The following AGO1 variants were observed in gnomAD, a reference collection of about 807,000 sequenced individuals.
AGO1 encodes protein argonaute-1.
In AGO1, 11 loss-of-function variants were observed where a neutral mutation model predicts 109.2. The observed-to-expected ratio is 0.10, with a 90% CI of 0.06 to 0.17. AGO1 has a LOEUF of 0.17. Among genes scored for constraint, AGO1 ranks in the 10% least tolerant of loss-of-function variants. The pLI is 1.00. For synonymous variants in AGO1, 422 were observed against 418.6 expected (o/e 1.01, Z -0.10); for missense variants, 574 against 1,140.3 (o/e 0.50, Z 7.15).
rs1406627252 is a variant in AGO1, at chr1:35,893,538, ACAACTAGTAAAG to A, written c.513-133_513-122del. 1.0e-6 allele frequency: 1 copy of A among 977,040 alleles called. No individual in the cohort carries two copies. Among genetic ancestry groups the A allele is most frequent in the Non-Finnish European group, 1.5e-6 (1 of 678,986 alleles). The allele number at this position is 977,040 out of a possible 1,614,324, so 60.5% of individuals were successfully genotyped here. ...TAGAAACTTGTACAAGGTCAGTCAT[ACAACTAGTAAAG>A]CATCAGAGCTGGCATTAAAGCCCCG... On this transcript the variant is annotated intron_variant, in intron 4 of 18. Transcript: ENST00000373204. The surrounding 1 kb of genome is among the most constrained non-coding windows in gnomAD (Gnocchi z 5.6).
At chr1:35,877,994 T>C (rs1474873018) in intron 1 of AGO1, among the ~76,000 whole-genome samples, 1 of 151,962 alleles carries the variant, frequency 6.6e-6, no homozygotes, top group Non-Finnish European at 1.5e-5. Context: ...CCCGGCCCAA[T>C]ATTAGTAATT....
Position 35,918,910 on chromosome 1 carries a change from G to A in AGO1, c.2266-145G>A, listed in dbSNP as rs563581737. The A allele has an allele frequency of 4.0e-6, 3 of 745,448 alleles. No individual in the cohort carries two copies. In the East Asian group the frequency reaches 8.1e-5, roughly 20 times the overall value. 46.2% of individuals were successfully genotyped at this position (745,448 alleles called of 1,614,324 possible). On this transcript the variant is annotated intron_variant, in intron 17 of 18. Coordinates refer to ENST00000373204, the MANE Select transcript of AGO1 (RefSeq NM_012199.5). ...CACTTGCAGGTTGCTTATAAGAAGAGTGCTTTATGACATTGGTAGTTTTGC... is the reference window on the plus strand; with the variant it reads ...CACTTGCAGGTTGCTTATAAGAAGAATGCTTTATGACATTGGTAGTTTTGC...
At chr1:35,872,637 A>T (rs934740387) in intron 1 of AGO1, among the ~76,000 whole-genome samples, 3 of 151,810 alleles carry the variant, frequency 2.0e-5, no homozygotes, top group Admixed American at 2.0e-4. Context: ...CAGTAACATG[A>T]TCATAGCTCA....
At position 35,893,551 on chromosome 1, in the gene AGO1, C is replaced by A; in HGVS notation, c.513-123C>A. The stretch of plus-strand genomic sequence containing the variant: ...AAGGTCAGTCATACAACTAGTAAAG[C>A]ATCAGAGCTGGCATTAAAGCCCCGG... On this transcript the variant is annotated intron_variant, in intron 4 of 18. Coordinates refer to ENST00000373204, the MANE Select transcript of AGO1 (RefSeq NM_012199.5). The surrounding 1 kb of genome is among the most constrained non-coding windows in gnomAD (Gnocchi z 5.6). The A allele has an allele frequency of 9.6e-7, 1 of 1,046,694 alleles. No individual in the cohort carries two copies. Among genetic ancestry groups the A allele is most frequent in the Non-Finnish European group, 1.4e-6 (1 of 740,112 alleles). The allele number at this position is 1,046,694 out of a possible 1,614,324, so 64.8% of individuals were successfully genotyped here.
At chr1:35,905,205 A>AT (rs1645497319) in intron 11 of AGO1, among the ~76,000 whole-genome samples, 1 of 152,172 alleles carries the variant, frequency 6.6e-6, no homozygotes, top group Non-Finnish European at 1.5e-5. Context: ...CTGGTAACAT[A>AT]CTGGCTTTTT....
intron 12 of AGO1, among the ~76,000 whole-genome samples, chr1:35,908,882 G>A (rs987435564): frequency 6.8e-6 from 1 of 147,226 alleles, no homozygotes; most frequent in African/African-American, 2.5e-5. Flanking sequence ...GCAGTGGCGT[G>A]ATCTCAGCTC....
chr1:35,905,790 G>A (rs1381490713), intron 11 of AGO1, among the ~76,000 whole-genome samples: 1 of 152,026 alleles, frequency 6.6e-6, no homozygotes, highest in African/African-American at 2.4e-5. Context: ...CTTCTGATGA[G>A]GCCACTGTTA....
rs1052039194 is a variant in AGO1 at position 35,914,285 on chromosome 1, T to C, written c.1833+11T>C. 2 of 1,608,398 alleles carry C rather than the reference T, an allele frequency of 1.2e-6. No homozygotes were observed. The highest frequency in any genetic ancestry group is 1.3e-5 in the African/African-American group (1 of 74,852). On this transcript the variant is annotated intron_variant, in intron 14 of 18. Coordinates refer to ENST00000373204, the MANE Select transcript of AGO1 (RefSeq NM_012199.5). ...CCTTCTATCACAGCAGTGAGTGATATTCTGTAGCTGCCTCATAAGGTTCTC... is the reference window on the plus strand; with the variant it reads ...CCTTCTATCACAGCAGTGAGTGATACTCTGTAGCTGCCTCATAAGGTTCTC...
intron 13 of AGO1, 56 bp from the exon 14 acceptor site, chr1:35,914,128 G>C (rs1328815570): frequency 6.2e-7 from 1 of 1,600,260 alleles, no homozygotes; most frequent in East Asian, 2.2e-5. Context: ...GTACTGGATG[G>C]TGCCAGCTAG....
At chr1:35,900,916 AAAT>A (rs1645403311) in intron 8 of AGO1, among the ~76,000 whole-genome samples, 1 of 151,836 alleles carries the variant, frequency 6.6e-6, no homozygotes, top group East Asian at 1.9e-4. Flanking sequence ...TCAAAAAAAT[AAAT>A]AAATAAATAA....
intron 16 of AGO1, 38 bp from the exon 17 acceptor site, chr1:35,918,284 C>A (rs199967132): frequency 2.7e-5 from 42 of 1,532,820 alleles, no homozygotes; most frequent in Non-Finnish European, 3.5e-5. Context: ...TAGGGCCAGG[C>A]AGGTCTTGGG....
intron 16 of AGO1, 37 bp from the exon 17 acceptor site, chr1:35,918,285 A>G (rs1196882349): frequency 6.5e-7 from 1 of 1,535,610 alleles, no homozygotes; most frequent in African/African-American, 1.4e-5. Context: ...AGGGCCAGGC[A>G]GGTCTTGGGA....
At chr1:35,914,119 T>C in intron 13 of AGO1, 65 bp from the exon 14 acceptor site, 1 of 1,593,044 alleles carries the variant, frequency 6.3e-7, no homozygotes, top group Non-Finnish European at 8.6e-7. Flanking sequence ...GCAGAGTGGG[T>C]ACTGGATGGT....
chr1:35,883,832 G>A lies in AGO1; in HGVS notation c.25+386G>A, dbSNP rs1645072274. On this transcript the variant is annotated intron_variant, in intron 1 of 18. Coordinates refer to ENST00000373204, the MANE Select transcript of AGO1 (RefSeq NM_012199.5). This position sits in a 1 kb window ranked among gnomAD's most constrained non-coding sequence, Gnocchi z 5.4. Reference sequence around the variant, plus strand: ...GGCCTGGAGCTACCGCATGCCGGGGGCGGGGGCTCCGCTGGGCTGGAATAG... The same window carrying A: ...GGCCTGGAGCTACCGCATGCCGGGGACGGGGGCTCCGCTGGGCTGGAATAG... 6.6e-6 allele frequency among the ~76,000 whole-genome samples: 1 copy of A among 152,226 alleles called. No homozygotes were observed. Among genetic ancestry groups the A allele is most frequent in the South Asian group, 2.1e-4 (1 of 4,836 alleles).
At chr1:35,894,911 C>CT (rs1432007177) in intron 7 of AGO1, among the ~76,000 whole-genome samples, 1 of 152,198 alleles carries the variant, frequency 6.6e-6, no homozygotes, top group Non-Finnish European at 1.5e-5. Context: ...TTTGGCTTCT[C>CT]TCTTGGAGCC....
intron 12 of AGO1, among the ~76,000 whole-genome samples, chr1:35,907,461 G>A (rs1034670346): frequency 1.3e-5 from 2 of 151,960 alleles, no homozygotes; most frequent in African/African-American, 4.8e-5. Flanking sequence ...TCTGAACATC[G>A]TGCAGCACAA....
chr1:35,917,069 AT>A (rs1317382865), intron 15 of AGO1, among the ~76,000 whole-genome samples: 1 of 152,142 alleles, frequency 6.6e-6, no homozygotes, highest in African/African-American at 2.4e-5. Flanking sequence ...ATTGCCTATG[AT>A]TATTTACTTC....
intron 1 of AGO1, among the ~76,000 whole-genome samples, chr1:35,884,077 C>G (rs1468148297): frequency 1.3e-5 from 2 of 151,986 alleles, no homozygotes; most frequent in East Asian, 3.9e-4. Flanking sequence ...CCGAATACCC[C>G]CACCTCTCCA....
Position 35,901,392 on chromosome 1 carries a change from G to T in AGO1, c.1021-82G>T. ...TCCCTTCCCCATGGCTGACAGCCAA[G>T]GTATCTTTCCTTATTGTGGGGCTCT... is the stretch of plus-strand genomic sequence containing the variant. On this transcript the variant is annotated intron_variant, in intron 8 of 18. Transcript: ENST00000373204. The surrounding 1 kb of genome is among the most constrained non-coding windows in gnomAD (Gnocchi z 4.8). 3 of 1,577,344 alleles carry T rather than the reference G, an allele frequency of 1.9e-6. No individual in the cohort carries two copies. The highest frequency in any genetic ancestry group is 2.6e-6 in the Non-Finnish European group (3 of 1,156,934).
Sources: allele counts gnomAD v4.1 joint callset (sites outside exome capture counted in the v4.1 genomes callset), GRCh38; gene constraint gnomAD v4.1.1; non-coding constraint Gnocchi (gnomAD v3.1); transcripts MANE v1.5; gene names NCBI Gene and HGNC (gene_info 2026-07-23, HGNC 2026-07-21).